The following KCNT2 variants were observed in gnomAD, a reference collection of about 807,000 sequenced individuals.
The protein encoded by KCNT2 is potassium sodium-activated channel subfamily T member 2.
A neutral mutation model predicts 153.8 loss-of-function variants in KCNT2; 67 were observed. That is an observed-to-expected ratio of 0.44 (90% CI 0.36 to 0.53). The LOEUF is 0.53. Among genes scored for constraint, KCNT2 ranks in the 20% least tolerant of loss-of-function variants. The probability of loss-of-function intolerance (pLI) is 0.00; values close to 1 mark genes in which losing one functional copy is unlikely to be tolerated. For synonymous variants in KCNT2, 500 were observed against 458.8 expected (o/e 1.09, Z -1.15); for missense variants, 975 against 1,354.8 (o/e 0.72, Z 4.40).
At chr1:196,515,649 C>T (rs542588549) in intron 1 of KCNT2, among the ~76,000 whole-genome samples, 8 of 152,212 alleles carry the variant, frequency 5.3e-5, no homozygotes, top group African/African-American at 1.9e-4. Flanking sequence ...AGAGTAAGAT[C>T]CTGACTAGAA....
chr1:196,445,831 T>C (rs1035736688), intron 8 of KCNT2, among the ~76,000 whole-genome samples: 38 of 151,360 alleles, frequency 2.5e-4, no homozygotes, highest in African/African-American at 3.1e-4. Context: ...CTAACCTTTC[T>C]GTCAATGGTA....
At chr1:196,283,154 C>A (rs192985932) in intron 23 of KCNT2, among the ~76,000 whole-genome samples, 40 of 152,226 alleles carry the variant, frequency 2.6e-4, no homozygotes, top group African/African-American at 3.6e-4. Context: ...TAAAATTGAA[C>A]CTTTAAAAAA....
chr1:196,228,233 A>C lies in KCNT2; in HGVS notation c.3399T>G (p.Thr1133=). The C allele has an allele frequency of 1.9e-6, 3 of 1,598,594 alleles. No individual in the cohort carries two copies. The highest frequency in any genetic ancestry group is 2.6e-6 in the Non-Finnish European group (3 of 1,167,836). The change falls in exon 28 of 28, where the codon ACT becomes ACG. Residue 1133 remains threonine (T), a synonymous_variant. Transcript: ENST00000294725. ...NVTGQDSREE[T]QL ...TCTCATTTTATTTTTATCAAAGTTG[A>C]GTTTCCTCCCGAGAATCTTGACCAG...
intron 1 of KCNT2, among the ~76,000 whole-genome samples, chr1:196,539,240 C>T (rs1656013357): frequency 2.0e-5 from 3 of 152,178 alleles, no homozygotes; most frequent in Admixed American, 2.0e-4. Context: ...GAAAACAAAG[C>T]ATACAGATGG....
chr1:196,596,701 T>C (rs1298976394), intron 1 of KCNT2, among the ~76,000 whole-genome samples: 1 of 152,156 alleles, frequency 6.6e-6, no homozygotes, highest in Non-Finnish European at 1.5e-5. Flanking sequence ...TTACAAAGTC[T>C]TTATTTTTCA....
intron 12 of KCNT2, among the ~76,000 whole-genome samples, chr1:196,408,961 G>A (rs1164742450): frequency 2.6e-5 from 4 of 151,218 alleles, no homozygotes; most frequent in African/African-American, 9.7e-5. Context: ...CAGAAGTGTT[G>A]AAAATTATAA....
At chr1:196,312,936 G>A (rs1329262226) in intron 21 of KCNT2, among the ~76,000 whole-genome samples, 1 of 151,674 alleles carries the variant, frequency 6.6e-6, no homozygotes, top group Admixed American at 6.6e-5. Flanking sequence ...CCTCTGGAAT[G>A]TTGTCATCTG....
intron 1 of KCNT2, among the ~76,000 whole-genome samples, chr1:196,588,676 T>C (rs1662979539): frequency 6.6e-6 from 1 of 152,004 alleles, no homozygotes. Flanking sequence ...TAACATAGTG[T>C]TTTCTAATCA....
At chr1:196,573,725 G>A (rs1424824802) in intron 1 of KCNT2, among the ~76,000 whole-genome samples, 3 of 151,998 alleles carry the variant, frequency 2.0e-5, no homozygotes. Context: ...AGCTACCTCA[G>A]AAAACTGGCT....
At chr1:196,593,774 T>C (rs13375567) in intron 1 of KCNT2, among the ~76,000 whole-genome samples, 19,286 of 152,066 alleles carry the variant, frequency 0.13, 3,834 homozygotes, top group African/African-American at 0.43. Flanking sequence ...CATTTAATAA[T>C]AGGAATGTAC....
chr1:196,459,779 C>A (rs1676988854), intron 8 of KCNT2, among the ~76,000 whole-genome samples: 1 of 151,748 alleles, frequency 6.6e-6, no homozygotes, highest in Non-Finnish European at 1.5e-5. Context: ...CTAAACTTTG[C>A]CTCAACGTAG....
In KCNT2 at chr1:196,373,155, T is replaced by A. The variant is rs1451369442; in HGVS notation, c.1388A>T (p.His463Leu). 1 of 1,523,610 alleles carries A rather than the reference T, an allele frequency of 6.6e-7. No homozygotes were observed. 94.4% of individuals were successfully genotyped at this position (1,523,610 alleles called of 1,614,324 possible). The change falls in exon 14 of 28, where the codon CAT (histidine) becomes CTT (leucine). Residue 463 changes from histidine to leucine, a missense_variant. Physicochemically the swap from His to Leu is moderately conservative, Grantham distance 99. This residue lies in a region of KCNT2 where 325 missense variants were observed against 388.1 expected (regional missense o/e 0.84). Transcript: ENST00000294725. ...ATATACTTACTGCCCTCTAGAGGTA[T>A]GAACCAGTAGTGTAATAAGTGTAGA... ...ATSTLITLLV[H>L]TSRGQEGQQS...
intron 1 of KCNT2, among the ~76,000 whole-genome samples, chr1:196,568,293 A>G (rs1418656751): frequency 6.6e-6 from 1 of 151,998 alleles, no homozygotes; most frequent in Non-Finnish European, 1.5e-5. Flanking sequence ...TCGCCCTTCT[A>G]TAAAAATCTA....
intron 1 of KCNT2, among the ~76,000 whole-genome samples, chr1:196,577,192 C>A (rs560093275): frequency 1.3e-5 from 2 of 152,210 alleles, no homozygotes; most frequent in East Asian, 3.9e-4. Flanking sequence ...ACCAGATTTA[C>A]TACCCCATCC....
rs1672197929 is a variant in KCNT2, at chr1:196,410,435, G to A, written c.1186-11764C>T. Among the ~76,000 whole-genome samples the A allele has an allele frequency of 1.3e-5, 2 of 151,460 alleles. 1 individual carries two copies. The highest frequency in any genetic ancestry group is 3.9e-4 in the East Asian group (2 of 5,120). ...CCTGTTGTGGGGTGAGGGCAGGTGG[G>A]AGGGATAGCATTAGGAGATATACCT... On this transcript the variant is annotated intron_variant, in intron 12 of 27. Coordinates refer to ENST00000294725, the MANE Select transcript of KCNT2 (RefSeq NM_198503.5).
At chr1:196,278,007 A>C (rs1658735653) in intron 25 of KCNT2, among the ~76,000 whole-genome samples, 1 of 152,308 alleles carries the variant, frequency 6.6e-6, no homozygotes, top group East Asian at 1.9e-4. Flanking sequence ...CTATGAGCAA[A>C]GATAGATATT....
chr1:196,236,207 C>T (rs1654422613), intron 26 of KCNT2, 137 bp from the exon 27 acceptor site: 1 of 604,622 alleles, frequency 1.7e-6, no homozygotes, highest in African/African-American at 1.9e-5. Context: ...TGATTGTGCA[C>T]ATAAGTTTGG....
Position 196,256,861 on chromosome 1 carries a change from C to G in KCNT2, c.3211+1333G>C, listed in dbSNP as rs550461755. The stretch of plus-strand genomic sequence containing the variant: ...GCTGGGCTGCATTCTCAGTTATAAT[C>G]CTTTTAAGAATATAATCACCTTCCA... On this transcript the variant is annotated intron_variant, in intron 26 of 27. Transcript: ENST00000294725. 1.1e-4 allele frequency among the ~76,000 whole-genome samples: 16 copies of G among 151,974 alleles called. No individual in the cohort carries two copies. The South Asian group carries it at 3.3e-3, about 32-fold the overall frequency.
chr1:196,258,421 T>C lies in KCNT2; in HGVS notation c.2984A>G (p.Asn995Ser), dbSNP rs140745488. The change falls in exon 26 of 28, where the codon AAC (asparagine) becomes AGC (serine). Residue 995 changes from asparagine (N) to serine (S), a missense_variant. Around this residue, in one of 6 missense-constraint regions of KCNT2, gnomAD observed 241 missense variants for 271.1 expected, o/e 0.89. Transcript: ENST00000294725. ...DSKEQGHHRSNHRNSTSSDQS... is the reference protein window; with the variant it reads ...DSKEQGHHRSSHRNSTSSDQS... The stretch of plus-strand genomic sequence containing the variant: ...ATCACTGGATGTTGAGTTGCGGTGG[T>C]TGCTGCGGTGGTGCCCTTGTTCTTT... 1 of 1,613,458 alleles carries C rather than the reference T, an allele frequency of 6.2e-7. No homozygotes were observed.
Sources: gnomAD v4.1 joint callset for allele counts (sites outside exome capture counted in the v4.1 genomes callset) on GRCh38, gnomAD v4.1.1 for gene constraint, gnomAD v4.1.1 regional missense constraint, MANE v1.5 for transcripts, NCBI Gene and HGNC (gene_info 2026-07-23, HGNC 2026-07-21) for gene names.